Variants in IQSEC1 observed in about 807,000 individuals in gnomAD.
The protein encoded by IQSEC1 is IQ motif and SEC7 domain-containing protein 1.
IQSEC1 carries 31 observed loss-of-function variants against 91.0 expected under a neutral mutation model. The ratio of observed to expected loss-of-function variants is 0.34; its 90% CI spans 0.26 to 0.46. The LOEUF is 0.46. IQSEC1 is among the 20% of genes least tolerant of loss of function. The pLI is 1.00. For synonymous variants in IQSEC1, 699 were observed against 662.6 expected (o/e 1.05, Z -0.84); for missense variants, 1,388 against 1,575.6 (o/e 0.88, Z 2.02).
chr3:12,931,390 G>A (rs970818943), intron 3 of IQSEC1, among the ~76,000 whole-genome samples: 2 of 152,220 alleles, frequency 1.3e-5, no homozygotes, highest in Non-Finnish European at 2.9e-5. Context: ...AGCACTTCTG[G>A]TGTGTGGCCT....
Position 12,924,946 on chromosome 3 carries a change from C to G in IQSEC1, c.1569-204G>C, listed in dbSNP as rs11925499. On this transcript the variant is annotated intron_variant, in intron 3 of 13. Coordinates refer to ENST00000613206, the MANE Select transcript of IQSEC1 (RefSeq NM_001134382.3). This position sits in a 1 kb window ranked among gnomAD's most constrained non-coding sequence, Gnocchi z 6.3. ...AGAACCCAGGCTGGCACTGGAAGAC[C>G]CTGGGCTCCAGGCATCCTGCCCTGT... Among the ~76,000 whole-genome samples, 17,677 of 152,232 alleles carry G rather than the reference C, an allele frequency of 0.12. 1,167 individuals are homozygous for G. The highest frequency in any genetic ancestry group is 0.21 in the South Asian group (1,014 of 4,830).
rs139139699 is a variant in IQSEC1 at position 12,936,198 on chromosome 3, C to T, written c.818G>A (p.Gly273Asp). 1 of 1,612,958 alleles carries T rather than the reference C, an allele frequency of 6.2e-7. No homozygotes were observed. The highest frequency in any genetic ancestry group is 8.5e-7 in the Non-Finnish European group (1 of 1,179,970). ...CTCGTCCAGTTTGCGGTGGTCCATG[C>T]CGTGCAGGGCTGTCTGGGGTTCGGT... ...RDTEPQTALH[G>D]MDHRKLDEMT... The change falls in exon 3 of 14, where the codon GGC becomes GAC. Residue 273 changes from glycine to aspartate, a missense_variant. Physicochemically the swap from Gly to Asp is moderately conservative, Grantham distance 94 (BLOSUM62 -1). Transcript: ENST00000613206.
rs1694298077 is a variant in IQSEC1, at chr3:12,901,471, C to G, written c.2857G>C (p.Glu953Gln). ...HMRRRATSTR[E>Q]CPSRPHQTMP... ...GTCTGGTGTGGGCGAGATGGACACT[C>G]TCGTGTTGATGTAGCTCTCCGGCGC... The change falls in exon 14 of 14, where the codon GAG (glutamate) becomes CAG (glutamine). Residue 953 changes from glutamate to glutamine, a missense_variant. By Grantham distance (29) the Glu-to-Gln change is conservative. Around this residue, in one of 2 missense-constraint regions of IQSEC1, gnomAD observed 329 missense variants for 257.8 expected, o/e 1.28. Transcript: ENST00000613206. 8 of 1,549,688 alleles carry G rather than the reference C, an allele frequency of 5.2e-6. No individual in the cohort carries two copies. Among genetic ancestry groups the G allele is most frequent in the Non-Finnish European group, 7.0e-6 (8 of 1,146,886 alleles).
intron 2 of IQSEC1, among the ~76,000 whole-genome samples, chr3:13,106,722 A>G (rs1329563898): frequency 6.6e-6 from 1 of 152,256 alleles, no homozygotes; most frequent in Non-Finnish European, 1.5e-5. Flanking sequence ...TCCATGGGTT[A>G]GTGCAGGGCT....
intron 1 of IQSEC1, among the ~76,000 whole-genome samples, chr3:13,178,023 C>T (rs1282335766): frequency 1.3e-5 from 2 of 152,368 alleles, no homozygotes; most frequent in Admixed American, 6.5e-5. Context: ...CTGGCAACAG[C>T]CATGCTGCCA....
At chr3:13,148,021 T>A (rs1706926365) in intron 2 of IQSEC1, among the ~76,000 whole-genome samples, 1 of 152,224 alleles carries the variant, frequency 6.6e-6, no homozygotes, top group Admixed American at 6.5e-5. Flanking sequence ...GATCTACTTT[T>A]AGTTCTTTAA....
Position 12,936,011 on chromosome 3 carries a change from T to G in IQSEC1, c.1005A>C (p.Lys335Asn), listed in dbSNP as rs752382828. Reference protein sequence around the residue: ...AAPDYWALAHKEDKADTDTSC... With the variant: ...AAPDYWALAHNEDKADTDTSC... ...TCGTGTCCGTGTCAGCCTTGTCCTC[T>G]TTGTGGGCCAGGGCCCAGTAGTCTG... Residue 335 changes from lysine (K) to asparagine (N), a missense_variant, in exon 3 of 14, where the codon AAA becomes AAC. By Grantham distance (94) the Lys-to-Asn change is moderately conservative. Around this residue, in one of 2 missense-constraint regions of IQSEC1, gnomAD observed 1,059 missense variants for 1,317.8 expected, o/e 0.80. Transcript: ENST00000613206. 6.2e-7 allele frequency: 1 copy of G among 1,600,858 alleles called. No individual in the cohort carries two copies.
In IQSEC1 at chr3:12,915,614, G is replaced by A. The variant is rs1696008104; in HGVS notation, c.2140C>T (p.Leu714Phe). 1 of 1,613,980 alleles carries A rather than the reference G, an allele frequency of 6.2e-7. No individual in the cohort carries two copies. The change falls in exon 7 of 14, where the codon CTC becomes TTC. Residue 714 changes from leucine to phenylalanine, a missense_variant. Leu to Phe is a conservative substitution (Grantham distance 22). Around this residue, in one of 2 missense-constraint regions of IQSEC1, gnomAD observed 1,059 missense variants for 1,317.8 expected, o/e 0.80. Coordinates refer to ENST00000613206, the MANE Select transcript of IQSEC1 (RefSeq NM_001134382.3). ...CATACCGGCTTTTTCCCCACAATGAGCTTCTCCACCTTCTGCACCTGGGAC... is the reference window on the plus strand; with the variant it reads ...CATACCGGCTTTTTCCCCACAATGAACTTCTCCACCTTCTGCACCTGGGAC... ...HVSQVQKVEK[L>F]IVGKKPIGSL...
intron 1 of IQSEC1, chr3:13,022,516 G>A: frequency 1.0e-6 from 1 of 964,050 alleles, no homozygotes; most frequent in Non-Finnish European, 1.2e-6. Context: ...GTGAGGAAAA[G>A]CTCAGCTGCC....
chr3:13,109,727 C>T (rs569897270), intron 2 of IQSEC1, among the ~76,000 whole-genome samples: 11 of 152,042 alleles, frequency 7.2e-5, no homozygotes, highest in African/African-American at 1.9e-4. Flanking sequence ...TGAGGCCTCC[C>T]TAGAAGCTGA....
chr3:13,236,730 C>T (rs991641927), intron 1 of IQSEC1, among the ~76,000 whole-genome samples: 2 of 152,234 alleles, frequency 1.3e-5, no homozygotes, highest in African/African-American at 2.4e-5. Context: ...GGCTGGGACA[C>T]AGAGGGAAGG....
At chr3:12,905,875 T>C (rs573145662) in intron 12 of IQSEC1, among the ~76,000 whole-genome samples, 3 of 152,304 alleles carry the variant, frequency 2.0e-5, no homozygotes, top group South Asian at 2.1e-4. Flanking sequence ...GGCTGAACCC[T>C]GTTTCCACAG....
intron 1 of IQSEC1, among the ~76,000 whole-genome samples, chr3:13,060,250 G>C (rs544996016): frequency 6.6e-6 from 1 of 152,342 alleles, no homozygotes; most frequent in East Asian, 1.9e-4. Flanking sequence ...AGAGTAAGGC[G>C]GGGAGGTGGA....
intron 2 of IQSEC1, among the ~76,000 whole-genome samples, chr3:12,938,702 C>G (rs1317909505): frequency 2.0e-5 from 3 of 152,040 alleles, no homozygotes; most frequent in Non-Finnish European, 2.9e-5. Context: ...ACTTTGTGGG[C>G]GGCACAAGTA....
intron 1 of IQSEC1, among the ~76,000 whole-genome samples, chr3:13,053,629 C>G (rs1704774023): frequency 6.6e-6 from 1 of 152,214 alleles, no homozygotes; most frequent in African/African-American, 2.4e-5. Context: ...CCAGCGGCAA[C>G]ACACTCCTAC....
chr3:12,910,946 AAGG>A (rs1695500305), intron 10 of IQSEC1, among the ~76,000 whole-genome samples: 1 of 152,180 alleles, frequency 6.6e-6, no homozygotes, highest in South Asian at 2.1e-4. Flanking sequence ...GGAAGGGACA[AAGG>A]AGGGGGAAGA....
chr3:13,240,635 T>A (rs182952814), intron 1 of IQSEC1, among the ~76,000 whole-genome samples: 1 of 152,056 alleles, frequency 6.6e-6, no homozygotes, highest in East Asian at 1.9e-4. Context: ...ACCCTCACAA[T>A]CCCCCTCCCA....
intron 1 of IQSEC1, chr3:13,022,663 G>A (rs924540634): frequency 1.6e-4 from 25 of 160,510 alleles, no homozygotes; most frequent in Non-Finnish European, 2.8e-4. Context: ...CCCAACTCCC[G>A]CCCTGCAGCC....
rs111895000 is a variant in IQSEC1 at position 13,115,876 on chromosome 3, T to C, written c.302+48228A>G. ...CCCCCAGTGGACCCCTCCCACTGCA[T>C]GGCTACCTGCCTGGACCTGCTCCCC... On this transcript the variant is annotated intron_variant, in intron 2 of 15. Coordinates refer to the IQSEC1 transcript ENST00000648114. 3.3e-3 allele frequency among the ~76,000 whole-genome samples: 502 copies of C among 152,308 alleles called. 6 individuals carry two copies. Among genetic ancestry groups the C allele is most frequent in the African/African-American group, 0.011 (474 of 41,576 alleles).
Sources: allele counts gnomAD v4.1 joint callset (sites outside exome capture counted in the v4.1 genomes callset), GRCh38; gene constraint gnomAD v4.1.1; regional missense constraint gnomAD v4.1.1; non-coding constraint Gnocchi (gnomAD v3.1); transcripts MANE v1.5; gene names NCBI Gene and HGNC (gene_info 2026-07-23, HGNC 2026-07-21).